KLHL4: variants seen among roughly 807,000 people sequenced by gnomAD.
The protein encoded by KLHL4 is kelch like family member 4, also known as kelch-like protein 4.
A neutral mutation model predicts 45.8 loss-of-function variants in KLHL4; 17 were observed. The observed-to-expected ratio is 0.37, with a 90% CI of 0.25 to 0.56. KLHL4 has a LOEUF of 0.56. Among genes scored for constraint, KLHL4 ranks in the 20% least tolerant of loss-of-function variants. The pLI is 0.79. For synonymous variants in KLHL4, 224 were observed against 189.9 expected (o/e 1.18, Z -1.47); for missense variants, 544 against 544.9 (o/e 1.00, Z 0.02).
intron 1 of KLHL4, among the ~76,000 whole-genome samples, chrX:87,564,840 C>T (rs1475682412): frequency 1.8e-5 from 2 of 111,583 alleles, no homozygotes; most frequent in Non-Finnish European, 3.8e-5. Flanking sequence ...ATAGAAGTCT[C>T]CATCCAACAA....
Position 87,546,150 on chromosome X carries a change from G to A in KLHL4, c.422+27835G>A, listed in dbSNP as rs369725007. 1.3e-4 allele frequency among the ~76,000 whole-genome samples: 15 copies of A among 112,110 alleles called. No individual in the cohort carries two copies. In the East Asian group the frequency reaches 2.0e-3, roughly 15 times the overall value. On this transcript the variant is annotated intron_variant, in intron 1 of 10. Coordinates refer to ENST00000373119, the MANE Select transcript of KLHL4 (RefSeq NM_019117.5). ...TTACATAACTAATGAGGAGCCAAAC[G>A]TTAATCACCAAAACAATGGGGATGT...
chrX:87,576,709 C>T lies in KLHL4; in HGVS notation c.423-37168C>T, dbSNP rs890995964. 7.2e-5 allele frequency among the ~76,000 whole-genome samples: 8 copies of T among 111,030 alleles called. No individual in the cohort carries two copies. The South Asian group carries it at 1.1e-3, about 16-fold the overall frequency. On this transcript the variant is annotated intron_variant, in intron 1 of 10. Transcript: ENST00000373119. ...TGTTACGAAATCTTTACACTTGTGA[C>T]GGTTTTATATAACTATTTACTAGTT...
intron 1 of KLHL4, among the ~76,000 whole-genome samples, chrX:87,608,076 G>A (rs1922256039): frequency 9.0e-6 from 1 of 111,687 alleles, no homozygotes; most frequent in Non-Finnish European, 1.9e-5. Flanking sequence ...AGTTGCTGAT[G>A]TCAAACCTAG....
chrX:87,562,652 G>C (rs144512889), intron 1 of KLHL4, among the ~76,000 whole-genome samples: 41 of 110,683 alleles, frequency 3.7e-4, no homozygotes, highest in African/African-American at 1.3e-3. Flanking sequence ...CAGCTCCCAC[G>C]TGCCATCTCT....
chrX:87,649,464 A>G (rs914410541), intron 9 of KLHL4, among the ~76,000 whole-genome samples: 28 of 111,557 alleles, frequency 2.5e-4, no homozygotes, highest in African/African-American at 8.8e-4. Flanking sequence ...CTCCTGTTTC[A>G]TAGATTTCCT....
chrX:87,600,918 T>TAGGAGAAACAAGTTATAGTG (rs1921997342), intron 1 of KLHL4, among the ~76,000 whole-genome samples: 1 of 111,988 alleles, frequency 8.9e-6, no homozygotes, highest in African/African-American at 3.2e-5. Context: ...TTCAGTTAGA[T>TAGGAGAAACAAGTTATAGTG]AGGAGAAACA....
At chrX:87,566,473 A>G (rs1231359963) in intron 1 of KLHL4, among the ~76,000 whole-genome samples, 1 of 112,096 alleles carries the variant, frequency 8.9e-6, no homozygotes, top group Non-Finnish European at 1.9e-5. Context: ...TGTGCTCAGA[A>G]CATTTACATT....
chrX:87,641,225 C>T (rs930804801), intron 9 of KLHL4, among the ~76,000 whole-genome samples: 4 of 111,970 alleles, frequency 3.6e-5, no homozygotes, highest in Admixed American at 9.4e-5. Context: ...CTGTGAGTGG[C>T]CCAACTGCAG....
intron 1 of KLHL4, among the ~76,000 whole-genome samples, chrX:87,547,210 C>A (rs924407968): frequency 7.2e-5 from 8 of 111,063 alleles, no homozygotes; most frequent in African/African-American, 2.3e-4. Context: ...ACGGAGGGAC[C>A]TGGTGGGAGG....
At chrX:87,619,062 A>G (rs1042456136) in intron 4 of KLHL4, among the ~76,000 whole-genome samples, 95 of 111,409 alleles carry the variant, frequency 8.5e-4, no homozygotes, top group African/African-American at 3.0e-3. Context: ...GTAAAAATAA[A>G]CTTTTTTAAC....
intron 1 of KLHL4, among the ~76,000 whole-genome samples, chrX:87,572,811 G>A (rs1328055831): frequency 1.2e-5 from 1 of 84,434 alleles, no homozygotes; most frequent in African/African-American, 4.5e-5. Context: ...AAAAAACTAG[G>A]AAGGAAAACT....
chrX:87,584,763 T>C (rs1282942232), intron 1 of KLHL4, among the ~76,000 whole-genome samples: 3 of 108,745 alleles, frequency 2.8e-5, no homozygotes, highest in African/African-American at 1.0e-4. Context: ...GTTATTGGCC[T>C]TAAAGAGAAG....
chrX:87,531,185 G>T (rs1335647828), intron 1 of KLHL4, among the ~76,000 whole-genome samples: 2 of 109,802 alleles, frequency 1.8e-5, no homozygotes, highest in Non-Finnish European at 3.8e-5. Context: ...CAGATGAGTA[G>T]GTTGCGAAAA....
intron 1 of KLHL4, among the ~76,000 whole-genome samples, chrX:87,560,765 T>C (rs928042957): frequency 3.6e-5 from 4 of 112,000 alleles, no homozygotes; most frequent in Non-Finnish European, 7.5e-5. Flanking sequence ...TTCATGCTTT[T>C]GTCACATACA....
At position 87,582,944 on chromosome X, in the gene KLHL4, C is replaced by A. The variant is rs143149456; in HGVS notation, c.423-30933C>A. On this transcript the variant is annotated intron_variant, in intron 1 of 10. Transcript: ENST00000373119. ...TCCCTTATTTGTCCCCTCCCATGTT[C>A]TGTTTCTGTCCTATCATAGTGTCGT... Among the ~76,000 whole-genome samples, 814 of 111,572 alleles carry A rather than the reference C, an allele frequency of 7.3e-3. 7 individuals are homozygous for A. The highest frequency in any genetic ancestry group is 0.01 in the Non-Finnish European group (556 of 53,036).
rs944326970 is a variant in KLHL4, at chrX:87,625,692, A to T, written c.1220A>T (p.His407Leu). 8.3e-7 allele frequency: 1 copy of T among 1,207,032 alleles called. No homozygotes were observed. The highest frequency in any genetic ancestry group is 2.2e-5 in the Admixed American group (1 of 45,572). Residue 407 changes from histidine to leucine, a missense_variant, in exon 6 of 11, where the codon CAT (histidine) becomes CTT (leucine). Transcript: ENST00000373119. Reference protein sequence around the residue: ...QKLLMEAMKYHLLPERRSMMQ... With the variant: ...QKLLMEAMKYLLLPERRSMMQ... Reference sequence around the variant, plus strand: ...CTCCTGATGGAAGCTATGAAGTATCATCTTTTGCCTGAGAGAAGATCCATG... The same window carrying T: ...CTCCTGATGGAAGCTATGAAGTATCTTCTTTTGCCTGAGAGAAGATCCATG...
intron 1 of KLHL4, among the ~76,000 whole-genome samples, chrX:87,574,539 C>A (rs763695971): frequency 9.0e-6 from 1 of 111,557 alleles, no homozygotes; most frequent in East Asian, 2.8e-4. Flanking sequence ...AATTAGCATG[C>A]CATAGAATTC....
chrX:87,615,639 T>C (rs1422033973), intron 3 of KLHL4, among the ~76,000 whole-genome samples: 4 of 111,253 alleles, frequency 3.6e-5, no homozygotes, highest in African/African-American at 1.3e-4. Context: ...GTAATATTAA[T>C]AGGCAATAAA....
chrX:87,617,210 TG>T (rs1300811246), intron 3 of KLHL4, among the ~76,000 whole-genome samples: 30 of 90,809 alleles, frequency 3.3e-4, no homozygotes, highest in South Asian at 1.5e-3. Flanking sequence ...AAAAAGAGAC[TG>T]TTTTTTTTTT....
Sources: gnomAD v4.1 joint callset for allele counts (sites outside exome capture counted in the v4.1 genomes callset) on GRCh38, gnomAD v4.1.1 for gene constraint, MANE v1.5 for transcripts, NCBI Gene and HGNC (gene_info 2026-07-23, HGNC 2026-07-21) for gene names.